The following LPCAT2 variants were observed in gnomAD, a reference collection of about 807,000 sequenced individuals.
LPCAT2 encodes lysophosphatidylcholine acyltransferase 2, also known as 1-AGP acyltransferase 11.
Under a neutral mutation model 64.7 loss-of-function variants are expected in LPCAT2, and 58 were observed. That is an observed-to-expected ratio of 0.90 (90% CI 0.73 to 1.12). The LOEUF is 1.12. Among genes scored for constraint, LPCAT2 ranks in the 50% most tolerant of loss-of-function variants. The probability of loss-of-function intolerance (pLI) is 0.00; values close to 1 mark genes in which losing one functional copy is unlikely to be tolerated. For synonymous variants in LPCAT2, 252 were observed against 245.3 expected (o/e 1.03, Z -0.26); for missense variants, 579 against 669.8 (o/e 0.86, Z 1.50).
chr16:55,509,084 G>T lies in LPCAT2; in HGVS notation c.-98G>T. ...TCAGCGCCTGCGCAGAGGCTCCCCA[G>T]CGTCGCCCTAGGCTGGGACTCTAGT... On this transcript the variant is annotated 5_prime_UTR_variant, in exon 1 of 14. Coordinates refer to ENST00000262134, the MANE Select transcript of LPCAT2 (RefSeq NM_017839.5). 9.3e-7 allele frequency: 1 copy of T among 1,080,264 alleles called. No homozygotes were observed. The highest frequency in any genetic ancestry group is 1.2e-6 in the Non-Finnish European group (1 of 836,882). The allele number at this position is 1,080,264 out of a possible 1,614,324, so 66.9% of individuals were successfully genotyped here. A position where few individuals can be genotyped will look rare whatever the true frequency, so the allele number is the denominator to read the frequency against.
intron 8 of LPCAT2, chr16:55,539,947 T>A (rs1163659990): frequency 6.6e-6 from 1 of 152,198 alleles, no homozygotes; most frequent in African/African-American, 2.4e-5. Context: ...GAACTTTGAA[T>A]GAATTATCAA....
At chr16:55,574,554 T>C in intron 11 of LPCAT2, 77 bp from the exon 12 acceptor site, 6 of 1,013,326 alleles carry the variant, frequency 5.9e-6, no homozygotes, top group Non-Finnish European at 7.9e-6. Flanking sequence ...AAGACATACC[T>C]GAATTTTACC....
intron 1 of LPCAT2, among the ~76,000 whole-genome samples, chr16:55,510,434 C>T (rs1379941127): frequency 7.2e-5 from 8 of 111,088 alleles, no homozygotes; most frequent in African/African-American, 1.1e-4. Context: ...CACATTTGTC[C>T]GTGTGTTCTG....
intron 1 of LPCAT2, among the ~76,000 whole-genome samples, chr16:55,518,333 G>C (rs1224479587): frequency 1.3e-5 from 2 of 152,134 alleles, no homozygotes; most frequent in African/African-American, 2.4e-5. Context: ...AAATAGTTAA[G>C]ATAATGACAC....
intron 8 of LPCAT2, among the ~76,000 whole-genome samples, chr16:55,544,898 C>T (rs1179510441): frequency 6.6e-6 from 1 of 152,086 alleles, no homozygotes; most frequent in East Asian, 1.9e-4. Flanking sequence ...AGCTATTGAG[C>T]CCCATCTATA....
chr16:55,571,806 C>T (rs570718894), intron 11 of LPCAT2, among the ~76,000 whole-genome samples: 1 of 152,174 alleles, frequency 6.6e-6, no homozygotes, highest in Non-Finnish European at 1.5e-5. Flanking sequence ...AAGCTATTTG[C>T]TTTAGTAAGC....
At chr16:55,582,106 C>CTTT (rs1963892938) in intron 13 of LPCAT2, among the ~76,000 whole-genome samples, 2 of 151,976 alleles carry the variant, frequency 1.3e-5, no homozygotes, top group African/African-American at 4.8e-5. Flanking sequence ...TTTTAAATTG[C>CTTT]TAGAAAGAAC....
intron 7 of LPCAT2, 64 bp downstream of exon 7, chr16:55,534,541 CATTT>C: frequency 1.4e-6 from 1 of 740,078 alleles, no homozygotes; most frequent in Non-Finnish European, 2.2e-6. Flanking sequence ...AAAGAAAGAT[CATTT>C]ATTCATTCTT....
chr16:55,530,496 G>T (rs837551), intron 4 of LPCAT2, among the ~76,000 whole-genome samples: 1 of 150,972 alleles, frequency 6.6e-6, no homozygotes, highest in African/African-American at 2.4e-5. Flanking sequence ...CGGGGGTGGG[G>T]GGGGGGTAAC....
chr16:55,517,455 A>C (rs1963028994), intron 1 of LPCAT2, among the ~76,000 whole-genome samples: 1 of 152,126 alleles, frequency 6.6e-6, no homozygotes, highest in Non-Finnish European at 1.5e-5. Flanking sequence ...CTCTTCCAAA[A>C]AATAAAAGAA....
At chr16:55,509,991 C>CTTTTTTTTTTTTTTTTTTTTTTTTTTT (rs57496150) in intron 1 of LPCAT2, among the ~76,000 whole-genome samples, 4 of 102,534 alleles carry the variant, frequency 3.9e-5, no homozygotes, top group African/African-American at 1.1e-4. Context: ...TTGAAGAAGT[C>CTTTTTTTTTTTTTTTTTTTTTTTTTTT]TTTTTTTTTT....
intron 11 of LPCAT2, among the ~76,000 whole-genome samples, chr16:55,562,574 A>G (rs1045980146): frequency 9.2e-5 from 14 of 151,962 alleles, no homozygotes; most frequent in African/African-American, 2.9e-4. Flanking sequence ...TAGTATTGAT[A>G]GTAGAAATGT....
intron 8 of LPCAT2, among the ~76,000 whole-genome samples, chr16:55,544,816 T>G (rs1266292694): frequency 6.6e-6 from 1 of 152,138 alleles, no homozygotes; most frequent in African/African-American, 2.4e-5. Context: ...AAATAAGGGT[T>G]TTTTTTGAAT....
At chr16:55,560,752 C>T (rs1323527222) in intron 11 of LPCAT2, among the ~76,000 whole-genome samples, 4 of 151,994 alleles carry the variant, frequency 2.6e-5, no homozygotes, top group Admixed American at 2.6e-4. Flanking sequence ...AGGACTGAGA[C>T]TAGAATTCCT....
chr16:55,579,136 A>T lies in LPCAT2; in HGVS notation c.1342A>T (p.Ile448Leu). 1 of 1,613,442 alleles carries T rather than the reference A, an allele frequency of 6.2e-7. No individual in the cohort carries two copies. Among genetic ancestry groups the T allele is most frequent in the Non-Finnish European group, 8.5e-7 (1 of 1,179,554 alleles). The change falls in exon 13 of 14, where the codon ATA becomes TTA. Residue 448 changes from isoleucine (I) to leucine (L), a missense_variant. Physicochemically the swap from Ile to Leu is conservative, Grantham distance 5. Transcript: ENST00000262134. ...GTTTGACGTTGATGAGGATGGCTAC[A>T]TAACGGAGGAAGAGTTCTCCACCAT... ...KLFDVDEDGYITEEEFSTILQ... is the reference protein window; with the variant it reads ...KLFDVDEDGYLTEEEFSTILQ...
chr16:55,549,237 T>TTTAA lies in LPCAT2; in HGVS notation c.936-40_936-39insTTAA, dbSNP rs199630817. On this transcript the variant is annotated intron_variant, in intron 9 of 13. Transcript: ENST00000262134. Reference sequence around the variant, plus strand: ...AGTGAAATATGATTACTTTTTTTTTTAAAAAAAATGAATTTTAGTTTGCTT... The same window carrying TTTAA: ...AGTGAAATATGATTACTTTTTTTTTTTTAAAAAAAAAATGAATTTTAGTTTGCTT... 1.6e-5 allele frequency: 21 copies of TTTAA among 1,332,438 alleles called. No homozygotes were observed. The East Asian group carries it at 2.0e-4, about 12-fold the overall frequency. The allele number at this position is 1,332,438 out of a possible 1,614,324, so 82.5% of individuals were successfully genotyped here. A position where few individuals can be genotyped will look rare whatever the true frequency, so the allele number is the denominator to read the frequency against.
intron 1 of LPCAT2, among the ~76,000 whole-genome samples, chr16:55,522,295 C>T (rs1326387711): frequency 6.6e-6 from 1 of 151,626 alleles, no homozygotes; most frequent in Non-Finnish European, 1.5e-5. Flanking sequence ...AAGATCACTA[C>T]ACTGAAAACT....
At chr16:55,511,290 T>G (rs114223180) in intron 1 of LPCAT2, among the ~76,000 whole-genome samples, 2,813 of 152,296 alleles carry the variant, frequency 0.018, 76 homozygotes, top group African/African-American at 0.063. Context: ...TTAAAAATAC[T>G]TTTTAAATTT....
chr16:55,519,501 T>G (rs575270238), intron 1 of LPCAT2, among the ~76,000 whole-genome samples: 52 of 121,964 alleles, frequency 4.3e-4, no homozygotes, highest in African/African-American at 1.4e-3. Flanking sequence ...AGAGCGAGAC[T>G]CCATCACAAA....
Sources: gnomAD v4.1 joint callset for allele counts (sites outside exome capture counted in the v4.1 genomes callset) on GRCh38, gnomAD v4.1.1 for gene constraint, MANE v1.5 for transcripts, NCBI Gene and HGNC (gene_info 2026-07-23, HGNC 2026-07-21) for gene names.